Variants in PABPC4L observed in about 807,000 individuals in gnomAD.
PABPC4L encodes the protein polyadenylate-binding protein 4-like.
For missense variants in PABPC4L, 452 were observed against 451.4 expected (o/e 1.00, Z -0.01); for synonymous variants, 169 against 164.1 (o/e 1.03, Z -0.23).
At chr4:134,038,908 T>A in the PABPC4L span, among the ~76,000 whole-genome samples, 1 of 152,174 alleles carries the variant, frequency 6.6e-6, no homozygotes, top group Admixed American at 6.6e-5. Context: ...GTTTTAATTG[T>A]GATGCTAGAA....
At chr4:134,180,621 TAG>T in the PABPC4L span, among the ~76,000 whole-genome samples, 1 of 151,422 alleles carries the variant, frequency 6.6e-6, no homozygotes, top group East Asian at 2.0e-4. Context: ...TAATGATAGA[TAG>T]ACCTCTAGCT....
chr4:134,030,041 G>A, the PABPC4L span, among the ~76,000 whole-genome samples: 6 of 152,120 alleles, frequency 3.9e-5, no homozygotes, highest in Non-Finnish European at 8.8e-5. Flanking sequence ...TTCCCCTTCT[G>A]CCATGATTTT....
chr4:134,105,173 A>G, the PABPC4L span, among the ~76,000 whole-genome samples: 20 of 151,746 alleles, frequency 1.3e-4, no homozygotes, highest in Admixed American at 1.2e-3. Context: ...AGTGAAAATC[A>G]AATGCAAATA....
the PABPC4L span, among the ~76,000 whole-genome samples, chr4:134,070,243 T>C: frequency 2.6e-5 from 4 of 151,968 alleles, no homozygotes; most frequent in East Asian, 7.8e-4. Flanking sequence ...TGATGAGTGG[T>C]GCCAGCCAGA....
the PABPC4L span, among the ~76,000 whole-genome samples, chr4:134,181,873 A>G: frequency 3.6e-3 from 551 of 151,898 alleles, 4 homozygotes; most frequent in African/African-American, 0.012. Flanking sequence ...AAACACAGAT[A>G]ACACAAACAA....
the PABPC4L span, among the ~76,000 whole-genome samples, chr4:134,172,435 T>C: frequency 6.6e-6 from 1 of 152,188 alleles, no homozygotes; most frequent in Admixed American, 6.5e-5. Flanking sequence ...CAATAAATGA[T>C]GCTAGGATAA....
the PABPC4L span, among the ~76,000 whole-genome samples, chr4:134,167,714 AG>A: frequency 6.6e-6 from 1 of 151,892 alleles, no homozygotes; most frequent in Non-Finnish European, 1.5e-5. Context: ...ATAATAATAA[AG>A]GGGTCAACTC....
the PABPC4L span, among the ~76,000 whole-genome samples, chr4:134,164,926 A>T: frequency 6.6e-6 from 1 of 152,208 alleles, no homozygotes; most frequent in Non-Finnish European, 1.5e-5. Context: ...AAATAAAAAA[A>T]GTAGATACAT....
At chr4:134,112,961 C>T in the PABPC4L span, among the ~76,000 whole-genome samples, 2 of 151,688 alleles carry the variant, frequency 1.3e-5, no homozygotes, top group South Asian at 2.1e-4. Context: ...TATTGATGAA[C>T]CTGACTCTGT....
At chr4:133,998,504 C>A in the PABPC4L span, among the ~76,000 whole-genome samples, 15 of 151,854 alleles carry the variant, frequency 9.9e-5, no homozygotes, top group Admixed American at 2.6e-4. Flanking sequence ...TTATAATAAG[C>A]TTTGCTATTT....
the PABPC4L span, among the ~76,000 whole-genome samples, chr4:133,996,789 C>G: frequency 7.2e-5 from 11 of 152,120 alleles, no homozygotes; most frequent in Non-Finnish European, 1.5e-4. Flanking sequence ...AGCAGCTACC[C>G]CCATAAGTAC....
At chr4:134,146,083 A>G in the PABPC4L span, among the ~76,000 whole-genome samples, 1 of 151,856 alleles carries the variant, frequency 6.6e-6, no homozygotes, top group Non-Finnish European at 1.5e-5. Context: ...TTATATTTGG[A>G]TAATAAAATT....
chr4:134,023,655 T>A, the PABPC4L span, among the ~76,000 whole-genome samples: 32 of 152,174 alleles, frequency 2.1e-4, no homozygotes, highest in East Asian at 3.9e-3. Flanking sequence ...TATATTTTTT[T>A]AAAAAACATG....
At chr4:134,127,706 C>T in the PABPC4L span, among the ~76,000 whole-genome samples, 2 of 152,140 alleles carry the variant, frequency 1.3e-5, no homozygotes, top group East Asian at 3.9e-4. Context: ...TGAGAAAGAA[C>T]CAGAAAAACG....
the PABPC4L span, among the ~76,000 whole-genome samples, chr4:133,961,305 G>A: frequency 6.6e-6 from 1 of 152,240 alleles, no homozygotes; most frequent in South Asian, 2.1e-4. Context: ...AGACCCAGAA[G>A]AGAGATAACA....
the PABPC4L span, among the ~76,000 whole-genome samples, chr4:133,953,769 C>A: frequency 6.6e-6 from 1 of 152,140 alleles, no homozygotes; most frequent in African/African-American, 2.4e-5. Flanking sequence ...TGGGAGGATG[C>A]TCTCTCTCCC....
chr4:134,197,826 C>A lies in PABPC4L; in HGVS notation c.*2081G>T, dbSNP rs538867807. On this transcript the variant is annotated 3_prime_UTR_variant, in exon 2 of 2. Transcript: ENST00000421491. ...GTTTCTTGGAGCATATGGAAATAGG[C>A]ATTCTCCTACAATGACAATGGAAAT... 4.1e-4 allele frequency: 63 copies of A among 151,824 alleles called. No individual in the cohort carries two copies. The highest frequency in any genetic ancestry group is 1.5e-3 in the African/African-American group (62 of 41,528). 9.4% of individuals were successfully genotyped at this position (151,824 alleles called of 1,614,324 possible).
the PABPC4L span, among the ~76,000 whole-genome samples, chr4:134,033,519 C>A: frequency 6.6e-6 from 1 of 151,718 alleles, no homozygotes; most frequent in Non-Finnish European, 1.5e-5. Flanking sequence ...CCTCTTGTAC[C>A]AATTAGTAAT....
chr4:134,188,509 A>AT, the PABPC4L span, among the ~76,000 whole-genome samples: 3 of 151,734 alleles, frequency 2.0e-5, no homozygotes, highest in Admixed American at 6.6e-5. Flanking sequence ...AATTCTCTCA[A>AT]TTTTTTTTGG....
Sources: gnomAD v4.1 joint callset for allele counts (sites outside exome capture counted in the v4.1 genomes callset) on GRCh38, gnomAD v4.1.1 for gene constraint, MANE v1.5 for transcripts, NCBI Gene and HGNC (gene_info 2026-07-23, HGNC 2026-07-21) for gene names.